NAV1: variants seen among roughly 807,000 people sequenced by gnomAD.
NAV1 encodes the protein neuron navigator 1, also known as pore membrane and/or filament interacting like protein 3.
Under a neutral mutation model 175.2 loss-of-function variants are expected in NAV1, and 18 were observed. The ratio of observed to expected loss-of-function variants is 0.10; its 90% confidence interval spans 0.07 to 0.15. The LOEUF (loss-of-function observed/expected upper bound fraction) is 0.15, where lower values mean the gene tolerates loss of function less well. Ranked by LOEUF, NAV1 falls within the 10% of genes least tolerant of loss-of-function variation. The pLI is 1.00. For synonymous variants in NAV1, 897 were observed against 978.7 expected (o/e 0.92, Z 1.56); for missense variants, 1,731 against 2,436.6 (o/e 0.71, Z 6.10).
chr1:201,784,003 C>T (rs1445705491), intron 7 of NAV1, 151 bp downstream of exon 11: 2 of 649,268 alleles, frequency 3.1e-6, no homozygotes, highest in Non-Finnish European at 2.5e-6. Context: ...CACAACAACT[C>T]CATGAGATAG....
intron 1 of NAV1, among the ~76,000 whole-genome samples, chr1:201,695,206 G>A (rs1671139338): frequency 6.6e-6 from 1 of 152,230 alleles, no homozygotes; most frequent in Admixed American, 6.5e-5. Context: ...ATGCCATCAG[G>A]CTTTTCCCTG....
intron 3 of NAV1, among the ~76,000 whole-genome samples, chr1:201,735,464 C>T (rs1416346653): frequency 1.3e-5 from 2 of 152,218 alleles, no homozygotes; most frequent in East Asian, 3.9e-4. Context: ...GGAGGAAAGA[C>T]AGCAGCCATG....
At chr1:201,652,310 A>G (rs1407213520) in intron 1 of NAV1, among the ~76,000 whole-genome samples, 1 of 151,952 alleles carries the variant, frequency 6.6e-6, no homozygotes, top group African/African-American at 2.4e-5. Flanking sequence ...ATAAGAGGGA[A>G]GGACTGAAAC....
At chr1:201,699,845 AT>A (rs1285361878) in intron 1 of NAV1, among the ~76,000 whole-genome samples, 1 of 152,248 alleles carries the variant, frequency 6.6e-6, no homozygotes, top group Non-Finnish European at 1.5e-5. Context: ...TGGGGAAAGG[AT>A]TCCCTGTGTA....
At position 201,658,345 on chromosome 1, in the gene NAV1, C is replaced by T. The variant is rs566011718; in HGVS notation, c.757+8920C>T. Among the ~76,000 whole-genome samples, 119 of 150,798 alleles carry T rather than the reference C, an allele frequency of 7.9e-4. 2 individuals carry two copies. In the South Asian group the frequency reaches 9.4e-3, roughly 12 times the overall value. On this transcript the variant is annotated intron_variant, in intron 1 of 29. Transcript: ENST00000367296. The stretch of plus-strand genomic sequence containing the variant: ...AAGCCAGAAAGGGCAACTGAGGGCT[C>T]GGCCAGCTGGAATTGGCATCAGTGC...
intron 17 of NAV1, among the ~76,000 whole-genome samples, chr1:201,805,452 GTC>G (rs2102797197): frequency 6.6e-6 from 1 of 152,218 alleles, no homozygotes; most frequent in South Asian, 2.1e-4. Context: ...CACAGACACT[GTC>G]TGTGCAGAAG....
intron 1 of NAV1, among the ~76,000 whole-genome samples, chr1:201,569,187 C>T (rs1404239263): frequency 1.3e-5 from 2 of 152,182 alleles, no homozygotes; most frequent in Non-Finnish European, 2.9e-5. Context: ...AGCCACCCCC[C>T]TCCAGAGGTG....
exon 1 of NAV1, chr1:201,623,418 A>C (rs1280960525): frequency 2.0e-6 from 2 of 985,792 alleles, no homozygotes; most frequent in African/African-American, 3.5e-5. Flanking sequence ...AAAGAGATAT[A>C]AACTACAAAA....
At chr1:201,798,608 CAAAAAAAAAAA>C (rs36186980) in intron 15 of NAV1, 2 of 97,128 alleles carry the variant, frequency 2.1e-5, no homozygotes, top group African/African-American at 3.9e-5. Context: ...GACCTGGTTT[CAAAAAAAAAAA>C]AAAAAAAAAG....
intron 29 of NAV1, among the ~76,000 whole-genome samples, chr1:201,819,362 T>C (rs1189863377): frequency 1.3e-5 from 2 of 152,142 alleles, no homozygotes; most frequent in Non-Finnish European, 2.9e-5. Context: ...GTCACAGTTA[T>C]CATTGAAGAA....
chr1:201,651,174 G>C (rs624785), intron 1 of NAV1, among the ~76,000 whole-genome samples: 5,224 of 109,442 alleles, frequency 0.048, 143 homozygotes, highest in Non-Finnish European at 0.081. Flanking sequence ...ACTGAGAGAG[G>C]GACTTGGCGA....
intron 3 of NAV1, among the ~76,000 whole-genome samples, chr1:201,732,236 A>G (rs537217041): frequency 1.9e-3 from 287 of 152,312 alleles, no homozygotes; most frequent in Non-Finnish European, 3.3e-3. Flanking sequence ...CAGCCTCCCA[A>G]GTAGCTGGGA....
rs577267789 is a variant in NAV1, at chr1:201,605,684, A to G, written c.-33+17035A>G. ...AGCCTGAATGAGGGAGGATTTTTTAATAGTTGCACAAGTAAGGTAAAGGAG... is the reference window on the plus strand; with the variant it reads ...AGCCTGAATGAGGGAGGATTTTTTAGTAGTTGCACAAGTAAGGTAAAGGAG... On this transcript the variant is annotated intron_variant, in intron 2 of 33. Coordinates refer to the NAV1 transcript ENST00000685211. 6.6e-5 allele frequency among the ~76,000 whole-genome samples: 10 copies of G among 152,334 alleles called. 1 individual carries two copies. The South Asian group carries it at 1.5e-3, about 22-fold the overall frequency.
intron 1 of NAV1, among the ~76,000 whole-genome samples, chr1:201,692,285 C>T (rs1670981650): frequency 6.6e-6 from 1 of 152,162 alleles, no homozygotes; most frequent in Admixed American, 6.5e-5. Context: ...GCAGTGTCAC[C>T]TAACAGCTGG....
rs971443454 is a variant in NAV1, at chr1:201,787,790, G to A, written c.2996-678G>A. The A allele has an allele frequency of 6.7e-6, 3 of 448,552 alleles. No individual in the cohort carries two copies. Among genetic ancestry groups the A allele is most frequent in the African/African-American group, 2.0e-5 (1 of 49,878 alleles). The allele number at this position is 448,552 out of a possible 1,614,324, so 27.8% of individuals were successfully genotyped here. ...AGGGGTAAGGCATCTGCAGGTTAAC[G>A]GGATTCAGCTGAACCCAGCTTCAAA... On this transcript the variant is annotated intron_variant, in intron 9 of 29. Coordinates refer to ENST00000367296, the Ensembl canonical transcript of NAV1. The surrounding 1 kb of genome is among the most constrained non-coding windows in gnomAD (Gnocchi z 4.3).
intron 3 of NAV1, among the ~76,000 whole-genome samples, chr1:201,735,287 T>G (rs1172192484): frequency 6.6e-6 from 1 of 152,234 alleles, no homozygotes; most frequent in Non-Finnish European, 1.5e-5. Flanking sequence ...CTTGAGCTAG[T>G]CACTTGCCCT....
rs80022331 is a variant in NAV1 at position 201,558,123 on chromosome 1, C to T, written c.-144+18781C>T. Among the ~76,000 whole-genome samples the T allele has an allele frequency of 3.8e-3, 576 of 152,314 alleles. 3 individuals carry two copies. Among genetic ancestry groups the T allele is most frequent in the African/African-American group, 0.013 (543 of 41,568 alleles). ...TAGGAGCCAAGGGAAAGCTTTCCCA[C>T]CACCCTCTGAAACTTCACTGAAAAT... On this transcript the variant is annotated intron_variant, in intron 1 of 33. Coordinates refer to the NAV1 transcript ENST00000685211.
chr1:201,704,844 T>A (rs904575279), intron 1 of NAV1, among the ~76,000 whole-genome samples: 2 of 152,178 alleles, frequency 1.3e-5, no homozygotes, highest in Non-Finnish European at 2.9e-5. Flanking sequence ...AGAACCAGAC[T>A]GTCAAAGCTG....
At chr1:201,671,368 C>T (rs1670040168) in intron 1 of NAV1, among the ~76,000 whole-genome samples, 1 of 152,100 alleles carries the variant, frequency 6.6e-6, no homozygotes, top group African/African-American at 2.4e-5. Context: ...CCGACACCTC[C>T]CCTCCATACC....
Sources: allele counts gnomAD v4.1 joint callset (sites outside exome capture counted in the v4.1 genomes callset), GRCh38; gene constraint gnomAD v4.1.1; non-coding constraint Gnocchi (gnomAD v3.1); transcripts MANE v1.5; gene names NCBI Gene and HGNC (gene_info 2026-07-23, HGNC 2026-07-21).